The following GFRA1 variants were observed in gnomAD, a reference collection of about 807,000 sequenced individuals.
GFRA1 encodes the protein GDNF family receptor alpha-1.
A neutral mutation model predicts 51.6 loss-of-function variants in GFRA1; 16 were observed. That is an observed-to-expected ratio of 0.31 (90% CI 0.21 to 0.47). The LOEUF is 0.47. GFRA1 is among the 20% of genes least tolerant of loss of function. The probability of loss-of-function intolerance (pLI) is 1.00; values close to 1 mark genes in which losing one functional copy is unlikely to be tolerated. For synonymous variants in GFRA1, 270 were observed against 241.3 expected (o/e 1.12, Z -1.10); for missense variants, 530 against 594.3 (o/e 0.89, Z 1.13).
intron 5 of GFRA1, among the ~76,000 whole-genome samples, chr10:116,189,037 T>C (rs1426482136): frequency 6.6e-6 from 1 of 151,100 alleles, no homozygotes; most frequent in Non-Finnish European, 1.5e-5. Context: ...GGAGGATTGC[T>C]TGAGGCCAGG....
intron 5 of GFRA1, among the ~76,000 whole-genome samples, chr10:116,187,132 C>G (rs938544741): frequency 6.6e-6 from 1 of 151,950 alleles, no homozygotes; most frequent in South Asian, 2.1e-4. Context: ...TTAAAGGCAA[C>G]AAAGTAGAAA....
At chr10:116,071,073 G>A (rs56175262) in intron 9 of GFRA1, among the ~76,000 whole-genome samples, 6,999 of 152,196 alleles carry the variant, frequency 0.046, 527 homozygotes, top group African/African-American at 0.16. Context: ...AGCAATGAAG[G>A]GATCCATTTC....
At chr10:116,188,743 C>T (rs1346933589) in intron 5 of GFRA1, among the ~76,000 whole-genome samples, 1 of 151,150 alleles carries the variant, frequency 6.6e-6, no homozygotes, top group Non-Finnish European at 1.5e-5. Flanking sequence ...GCTAAAAATA[C>T]AAAAAAAGTT....
chr10:116,249,802 C>T (rs1968170573), intron 4 of GFRA1, among the ~76,000 whole-genome samples: 1 of 152,096 alleles, frequency 6.6e-6, no homozygotes, highest in South Asian at 2.1e-4. Context: ...TTGAACAAGC[C>T]AGATGGGGTC....
intron 5 of GFRA1, among the ~76,000 whole-genome samples, chr10:116,158,913 TC>T (rs565556861): frequency 3.5e-3 from 534 of 152,154 alleles, no homozygotes; most frequent in Non-Finnish European, 5.8e-3. Context: ...ATGCACATGG[TC>T]CTCCCAATCA....
At chr10:116,250,494 G>T (rs1164714212) in intron 4 of GFRA1, among the ~76,000 whole-genome samples, 1 of 152,136 alleles carries the variant, frequency 6.6e-6, no homozygotes, top group Non-Finnish European at 1.5e-5. Context: ...TTAAAAGAAT[G>T]AGATAAATCA....
chr10:116,252,173 C>A (rs1292006952), intron 4 of GFRA1, among the ~76,000 whole-genome samples: 1 of 151,858 alleles, frequency 6.6e-6, no homozygotes, highest in Admixed American at 6.6e-5. Flanking sequence ...CTACATTCAA[C>A]GCAGGGTACT....
chr10:116,228,754 G>A (rs1410979866), intron 4 of GFRA1, among the ~76,000 whole-genome samples: 4 of 151,854 alleles, frequency 2.6e-5, no homozygotes, highest in East Asian at 3.9e-4. Flanking sequence ...AGGCCAAGGC[G>A]GGCAGATCAC....
chr10:116,148,496 T>C (rs1291177597), intron 5 of GFRA1, among the ~76,000 whole-genome samples: 2 of 92,370 alleles, frequency 2.2e-5, no homozygotes, highest in African/African-American at 4.4e-5. Flanking sequence ...GATATGATAA[T>C]AACAGTACAA....
At chr10:116,136,109 C>G (rs1958315075) in intron 5 of GFRA1, among the ~76,000 whole-genome samples, 1 of 152,176 alleles carries the variant, frequency 6.6e-6, no homozygotes, top group Admixed American at 6.5e-5. Context: ...AAAAATATCT[C>G]AGATTTGTGG....
intron 9 of GFRA1, among the ~76,000 whole-genome samples, chr10:116,071,049 C>T (rs944121236): frequency 4.6e-5 from 7 of 152,198 alleles, no homozygotes; most frequent in Non-Finnish European, 7.3e-5. Flanking sequence ...GTTTTTCTTC[C>T]AGAGCCTGAG....
intron 5 of GFRA1, among the ~76,000 whole-genome samples, chr10:116,178,948 A>G (rs141932128): frequency 6.6e-6 from 1 of 152,226 alleles, no homozygotes; most frequent in East Asian, 1.9e-4. Context: ...CTGCTTCAGG[A>G]GCCTGGAGCT....
intron 4 of GFRA1, among the ~76,000 whole-genome samples, chr10:116,233,801 G>GT (rs1334588670): frequency 6.6e-6 from 1 of 152,124 alleles, no homozygotes; most frequent in Non-Finnish European, 1.5e-5. Flanking sequence ...AAACACACTT[G>GT]ATGTTTCCCC....
intron 4 of GFRA1, among the ~76,000 whole-genome samples, chr10:116,224,392 A>G (rs1045372243): frequency 6.6e-6 from 1 of 152,254 alleles, no homozygotes; most frequent in African/African-American, 2.4e-5. Flanking sequence ...TCTGTACACA[A>G]GAGTTCATAG....
intron 5 of GFRA1, among the ~76,000 whole-genome samples, chr10:116,205,979 C>A (rs1964726507): frequency 7.0e-6 from 1 of 143,230 alleles, no homozygotes; most frequent in African/African-American, 2.6e-5. Flanking sequence ...CAAAGTGAAT[C>A]TATGCAAAAT....
At chr10:116,255,541 C>T (rs1406384105) in intron 4 of GFRA1, 1 of 1,162,438 alleles carries the variant, frequency 8.6e-7, no homozygotes, top group Non-Finnish European at 1.1e-6. Flanking sequence ...ACCATGTTCA[C>T]ATCCACTCAA....
At chr10:116,075,533 A>C (rs1390477513) in intron 9 of GFRA1, among the ~76,000 whole-genome samples, 1 of 152,168 alleles carries the variant, frequency 6.6e-6, no homozygotes, top group African/African-American at 2.4e-5. Context: ...TGATAAATCC[A>C]AGGACCAAAG....
intron 5 of GFRA1, among the ~76,000 whole-genome samples, chr10:116,136,870 ATGC>A (rs1478722790): frequency 6.6e-6 from 1 of 152,210 alleles, no homozygotes; most frequent in Non-Finnish European, 1.5e-5. Context: ...ATGTTGGACA[ATGC>A]TCAGGAGTAG....
Position 116,133,397 on chromosome 10 carries a change from A to AC in GFRA1, c.434-7841dup, listed in dbSNP as rs201921270. Among the ~76,000 whole-genome samples the AC allele has an allele frequency of 7.5e-3, 1,137 of 152,266 alleles. 15 individuals are homozygous for AC. Among genetic ancestry groups the AC allele is most frequent in the African/African-American group, 0.026 (1,075 of 41,540 alleles). ...CATGGGAGGTATAACATTCATGGCA[A>AC]CCGAGGGTGAGATCCCAAAACCTAG... is the stretch of plus-strand genomic sequence containing the variant. On this transcript the variant is annotated intron_variant, in intron 5 of 10. Coordinates refer to ENST00000355422, the MANE Select transcript of GFRA1 (RefSeq NM_005264.8).
Sources: allele counts gnomAD v4.1 joint callset (sites outside exome capture counted in the v4.1 genomes callset), GRCh38; gene constraint gnomAD v4.1.1; transcripts MANE v1.5; gene names NCBI Gene and HGNC (gene_info 2026-07-23, HGNC 2026-07-21).